The following ARHGEF3 variants were observed in gnomAD, a reference collection of about 807,000 sequenced individuals.
ARHGEF3 encodes 59.8 kDA protein.
A neutral mutation model predicts 63.2 loss-of-function variants in ARHGEF3; 28 were observed. The observed-to-expected ratio is 0.44, with a 90% CI of 0.33 to 0.61. The LOEUF is 0.61. Among genes scored for constraint, ARHGEF3 ranks in the 20% least tolerant of loss-of-function variants. ARHGEF3 has a pLI of 0.03. For synonymous variants in ARHGEF3, 266 were observed against 254.2 expected (o/e 1.05, Z -0.44); for missense variants, 533 against 659.3 (o/e 0.81, Z 2.10).
At chr3:56,880,912 G>C (rs1281900408) in intron 4 of ARHGEF3, among the ~76,000 whole-genome samples, 2 of 152,138 alleles carry the variant, frequency 1.3e-5, no homozygotes, top group Non-Finnish European at 2.9e-5. Context: ...AGGGTCTAAA[G>C]ATTGGAACAA....
At chr3:56,802,073 C>T, upstream of ARHGEF3, 6 of 1,209,478 alleles carry the variant, frequency 5.0e-6, no homozygotes, top group Non-Finnish European at 6.4e-6. Context: ...GCGCGGACAC[C>T]TCCTGGGGCT....
intron 5 of ARHGEF3, 35 bp from the exon 6 acceptor site, chr3:56,751,167 C>T: frequency 1.2e-6 from 2 of 1,601,928 alleles, no homozygotes; most frequent in Non-Finnish European, 1.7e-6. Flanking sequence ...ATTTGTTAGG[C>T]ATTCAAATAT....
chr3:57,015,578 C>T (rs1471311109), intron 2 of ARHGEF3, among the ~76,000 whole-genome samples: 3 of 150,246 alleles, frequency 2.0e-5, no homozygotes, highest in South Asian at 2.1e-4. Flanking sequence ...GGACTGCAGG[C>T]GGACACCACC....
At chr3:56,922,360 GA>G (rs1040202177) in intron 3 of ARHGEF3, among the ~76,000 whole-genome samples, 1 of 151,620 alleles carries the variant, frequency 6.6e-6, no homozygotes, top group African/African-American at 2.4e-5. Flanking sequence ...TTTTTAGGAA[GA>G]AAAAAAAGTT....
intron 4 of ARHGEF3, among the ~76,000 whole-genome samples, chr3:56,842,306 T>C (rs1167408357): frequency 6.6e-6 from 1 of 152,242 alleles, no homozygotes; most frequent in Non-Finnish European, 1.5e-5. Flanking sequence ...GAAAAAATTG[T>C]CCAGCTAGCA....
At chr3:56,758,044 G>A (rs573836778) in intron 2 of ARHGEF3, among the ~76,000 whole-genome samples, 1 of 151,070 alleles carries the variant, frequency 6.6e-6, no homozygotes, top group African/African-American at 2.4e-5. Context: ...TTGGGAGGCT[G>A]AGGCGGGCGG....
Position 56,729,199 on chromosome 3 carries a change from G to T in ARHGEF3, c.*71C>A. The T allele has an allele frequency of 7.2e-7, 1 of 1,383,800 alleles. No individual in the cohort carries two copies. The allele number at this position is 1,383,800 out of a possible 1,614,324, so 85.7% of individuals were successfully genotyped here. A position where few individuals can be genotyped will look rare whatever the true frequency, so the allele number is the denominator to read the frequency against. On this transcript the variant is annotated 3_prime_UTR_variant, in exon 10 of 10. Coordinates refer to ENST00000296315, the MANE Select transcript of ARHGEF3 (RefSeq NM_019555.3). ...GTATGAAAAAGTGCTTCTCCAAACC[G>T]TTCCATCTGTGGAATGCAAATACTG...
intron 2 of ARHGEF3, among the ~76,000 whole-genome samples, chr3:56,967,882 A>AT (rs1700645021): frequency 6.5e-5 from 4 of 61,592 alleles, no homozygotes; most frequent in African/African-American, 2.7e-4. Flanking sequence ...TATATAATAT[A>AT]AATATATAAT....
chr3:56,970,011 T>A (rs1375984715), intron 2 of ARHGEF3, among the ~76,000 whole-genome samples: 2 of 152,136 alleles, frequency 1.3e-5, no homozygotes, highest in South Asian at 4.1e-4. Flanking sequence ...AGTCAGAAAG[T>A]AGATTAGCTC....
At chr3:57,076,338 T>C (rs1226258647) in intron 1 of ARHGEF3, among the ~76,000 whole-genome samples, 2 of 152,148 alleles carry the variant, frequency 1.3e-5, no homozygotes, top group African/African-American at 4.8e-5. Context: ...CATACTAAGT[T>C]CTGGTCAGGG....
chr3:56,862,531 T>C (rs1373195905), intron 4 of ARHGEF3, among the ~76,000 whole-genome samples: 1 of 152,140 alleles, frequency 6.6e-6, no homozygotes, highest in Non-Finnish European at 1.5e-5. Context: ...AGGCCAAGGC[T>C]GAATCTGGGC....
intron 2 of ARHGEF3, among the ~76,000 whole-genome samples, chr3:56,966,075 AAC>A (rs564773440): frequency 5.3e-5 from 8 of 152,352 alleles, no homozygotes; most frequent in Admixed American, 5.2e-4. Flanking sequence ...ATTATTTAGA[AAC>A]ACACAAAATA....
In ARHGEF3 at chr3:56,916,364, C is replaced by A. The variant is rs780228175; in HGVS notation, c.130-34010G>T. ...CATGGGGCGCTCTGACCTCATCCACCCGGACTCACCGGCTCCTAACTGCAG... is the reference window on the plus strand; with the variant it reads ...CATGGGGCGCTCTGACCTCATCCACACGGACTCACCGGCTCCTAACTGCAG... On this transcript the variant is annotated intron_variant, in intron 3 of 12. Coordinates refer to the ARHGEF3 transcript ENST00000338458. 55 of 1,534,362 alleles carry A rather than the reference C, an allele frequency of 3.6e-5. No homozygotes were observed. In the South Asian group the frequency reaches 5.7e-4, roughly 16 times the overall value.
intron 4 of ARHGEF3, among the ~76,000 whole-genome samples, chr3:56,880,753 CA>C (rs1267375017): frequency 6.6e-6 from 1 of 152,068 alleles, no homozygotes; most frequent in Non-Finnish European, 1.5e-5. Context: ...TTCAAACACA[CA>C]AAAAAATCTT....
At chr3:56,986,048 G>A (rs923371027) in intron 2 of ARHGEF3, among the ~76,000 whole-genome samples, 6 of 152,158 alleles carry the variant, frequency 3.9e-5, no homozygotes, top group African/African-American at 7.2e-5. Flanking sequence ...ACCCCAGCAC[G>A]CTGCACTCTG....
intron 4 of ARHGEF3, among the ~76,000 whole-genome samples, chr3:56,835,209 CTT>C (rs1377304469): frequency 1.3e-5 from 2 of 152,030 alleles, no homozygotes; most frequent in Non-Finnish European, 2.9e-5. Context: ...AAGTCTTGCT[CTT>C]GTCCCCCAGG....
At chr3:56,775,242 T>C (rs1286296099) in intron 1 of ARHGEF3, 17 of 1,300,690 alleles carry the variant, frequency 1.3e-5, no homozygotes, top group Non-Finnish European at 1.7e-5. Flanking sequence ...AGTAGGTGCC[T>C]GGAAAAATCT....
chr3:56,868,481 T>A (rs2040331357), intron 4 of ARHGEF3, among the ~76,000 whole-genome samples: 1 of 151,756 alleles, frequency 6.6e-6, no homozygotes, highest in East Asian at 2.0e-4. Flanking sequence ...TCCTGCCTCA[T>A]CCTCCCAAGT....
intron 4 of ARHGEF3, among the ~76,000 whole-genome samples, chr3:56,829,628 A>G (rs868421168): frequency 2.0e-5 from 3 of 152,236 alleles, no homozygotes; most frequent in Admixed American, 2.0e-4. Flanking sequence ...TGAAGCAAGC[A>G]CAGAACCTTG....
Sources: allele counts gnomAD v4.1 joint callset (sites outside exome capture counted in the v4.1 genomes callset), GRCh38; gene constraint gnomAD v4.1.1; transcripts MANE v1.5; gene names NCBI Gene and HGNC (gene_info 2026-07-23, HGNC 2026-07-21).